ATF6: variants seen among roughly 807,000 people sequenced by gnomAD.
The protein encoded by ATF6 is activating transcription factor 6, also known as cyclic AMP-dependent transcription factor ATF-6 alpha.
ATF6 carries 53 observed loss-of-function variants against 83.6 expected under a neutral mutation model. The observed-to-expected ratio is 0.63, with a 90% CI of 0.51 to 0.80. ATF6 has a LOEUF of 0.80. ATF6 is among the 30% of genes least tolerant of loss of function. The probability of loss-of-function intolerance (pLI) is 0.00; values close to 1 mark genes in which losing one functional copy is unlikely to be tolerated. For missense variants in ATF6, 744 were observed against 797.9 expected, an observed-to-expected ratio of 0.93 and a Z score of 0.81; for synonymous variants, 288 against 285.8, an observed-to-expected ratio of 1.01 and a Z score of -0.08.
intron 15 of ATF6, among the ~76,000 whole-genome samples, chr1:161,928,898 T>C (rs1688377014): frequency 6.6e-6 from 1 of 152,174 alleles, no homozygotes; most frequent in African/African-American, 2.4e-5. Flanking sequence ...CCGCCCCCTA[T>C]TCTGTGTTTG....
intron 6 of ATF6, among the ~76,000 whole-genome samples, chr1:161,798,731 C>T (rs1180591310): frequency 2.0e-5 from 3 of 152,152 alleles, no homozygotes; most frequent in Non-Finnish European, 4.4e-5. Flanking sequence ...GTCTAATCTC[C>T]AGAATCTACA....
chr1:161,835,771 C>T (rs752973225), intron 9 of ATF6, among the ~76,000 whole-genome samples: 10 of 152,238 alleles, frequency 6.6e-5, no homozygotes, highest in Non-Finnish European at 1.3e-4. Flanking sequence ...CTTCCTGGCA[C>T]ATAGGATTGC....
At chr1:161,935,297 A>C (rs373492152) in intron 15 of ATF6, among the ~76,000 whole-genome samples, 3 of 152,150 alleles carry the variant, frequency 2.0e-5, no homozygotes, top group Non-Finnish European at 4.4e-5. Context: ...TGAAATCCCT[A>C]CCATACTGTG....
chr1:161,836,679 G>A (rs1347786333), intron 9 of ATF6, among the ~76,000 whole-genome samples: 1 of 152,186 alleles, frequency 6.6e-6, no homozygotes, highest in Non-Finnish European at 1.5e-5. Flanking sequence ...GGTTTTGAGG[G>A]CATGGAAAAT....
At chr1:161,924,243 A>G (rs1215388663) in intron 15 of ATF6, among the ~76,000 whole-genome samples, 3 of 152,198 alleles carry the variant, frequency 2.0e-5, no homozygotes, top group Non-Finnish European at 4.4e-5. Flanking sequence ...CAGCAGTTAC[A>G]TGATACTTTC....
intron 10 of ATF6, among the ~76,000 whole-genome samples, chr1:161,850,791 C>T (rs1426652774): frequency 6.6e-6 from 1 of 152,146 alleles, no homozygotes; most frequent in Non-Finnish European, 1.5e-5. Context: ...AAATCCAGAT[C>T]ATCCTATATA....
intron 13 of ATF6, among the ~76,000 whole-genome samples, 160 bp downstream of exon 13, chr1:161,860,437 T>A (rs888276314): frequency 2.0e-5 from 3 of 148,224 alleles, no homozygotes; most frequent in Admixed American, 6.9e-5. Flanking sequence ...TATATATATA[T>A]AACATACTAC....
At chr1:161,797,574 C>CA (rs1166137998) in intron 6 of ATF6, among the ~76,000 whole-genome samples, 2 of 151,898 alleles carry the variant, frequency 1.3e-5, no homozygotes, top group African/African-American at 4.8e-5. Flanking sequence ...TCACGATAGC[C>CA]AAAAAAAGAA....
intron 15 of ATF6, among the ~76,000 whole-genome samples, chr1:161,920,294 C>CTTTTTCTTTTTTT (rs1688182246): frequency 1.8e-5 from 1 of 54,846 alleles, no homozygotes; most frequent in African/African-American, 7.4e-5. Flanking sequence ...CTCTCTCTCT[C>CTTTTTCTTTTTTT]TTTTTTTTTT....
chr1:161,786,415 G>T (rs1684750119), intron 4 of ATF6, among the ~76,000 whole-genome samples: 1 of 151,462 alleles, frequency 6.6e-6, no homozygotes, highest in Admixed American at 6.6e-5. Flanking sequence ...TTTTTCTTTT[G>T]TCTCTTTGCT....
At chr1:161,929,001 C>T (rs1023332415) in intron 15 of ATF6, among the ~76,000 whole-genome samples, 7 of 152,188 alleles carry the variant, frequency 4.6e-5, no homozygotes, top group South Asian at 2.1e-4. Flanking sequence ...GTTAGTCATA[C>T]GCATACACCT....
At chr1:161,851,879 A>G (rs779096541) in intron 11 of ATF6, 44 bp downstream of exon 11, 3 of 1,479,962 alleles carry the variant, frequency 2.0e-6, no homozygotes, top group Admixed American at 3.5e-5. Context: ...GTTGGTTCCC[A>G]TGTTTAGTTT....
At chr1:161,850,988 T>C (rs974218253) in intron 10 of ATF6, among the ~76,000 whole-genome samples, 1 of 152,170 alleles carries the variant, frequency 6.6e-6, no homozygotes, top group African/African-American at 2.4e-5. Context: ...AAGTATATAT[T>C]TTTGAAGCAA....
At chr1:161,813,376 A>G (rs1039295146) in intron 7 of ATF6, among the ~76,000 whole-genome samples, 8 of 152,194 alleles carry the variant, frequency 5.3e-5, no homozygotes, top group Non-Finnish European at 8.8e-5. Flanking sequence ...CGTTGTGCCA[A>G]TTAAATTAAG....
At chr1:161,861,311 T>C (rs1428822183) in intron 13 of ATF6, among the ~76,000 whole-genome samples, 1 of 152,120 alleles carries the variant, frequency 6.6e-6, no homozygotes, top group African/African-American at 2.4e-5. Context: ...GATAGATAGA[T>C]AGATAGTAAA....
intron 14 of ATF6, among the ~76,000 whole-genome samples, chr1:161,911,071 CAACTTTG>C (rs1348190917): frequency 6.6e-6 from 1 of 152,108 alleles, no homozygotes; most frequent in Non-Finnish European, 1.5e-5. Context: ...ATAATCATAT[CAACTTTG>C]AACTTTGAAG....
chr1:161,915,776 C>G (rs1688085383), intron 15 of ATF6, among the ~76,000 whole-genome samples: 1 of 152,010 alleles, frequency 6.6e-6, no homozygotes. Context: ...CAGGCACATT[C>G]CACTCCCAGC....
At chr1:161,829,030 CAAAG>C (rs1416628576) in intron 9 of ATF6, among the ~76,000 whole-genome samples, 1 of 151,900 alleles carries the variant, frequency 6.6e-6, no homozygotes, top group Non-Finnish European at 1.5e-5. Context: ...TCAAAAGAGA[CAAAG>C]AAGGCCATTA....
At chr1:161,809,113 T>C (rs1465167098) in intron 7 of ATF6, among the ~76,000 whole-genome samples, 1 of 152,232 alleles carries the variant, frequency 6.6e-6, no homozygotes, top group Non-Finnish European at 1.5e-5. Flanking sequence ...GTTACATATG[T>C]ATATATGTGC....
Sources: allele counts gnomAD v4.1 joint callset (sites outside exome capture counted in the v4.1 genomes callset), GRCh38; gene constraint gnomAD v4.1.1; transcripts MANE v1.5; gene names NCBI Gene and HGNC (gene_info 2026-07-23, HGNC 2026-07-21).